TOPAZ1: variants seen among roughly 807,000 people sequenced by gnomAD.
TOPAZ1 encodes testis and ovary specific TOPAZ 1.
A neutral mutation model predicts 172.2 loss-of-function variants in TOPAZ1; 66 were observed. That is an observed-to-expected ratio of 0.38 (90% confidence interval 0.31 to 0.47). The LOEUF is 0.47. Ranked by LOEUF, TOPAZ1 falls within the 20% of genes least tolerant of loss-of-function variation. The probability of loss-of-function intolerance (pLI) is 0.99; values close to 1 mark genes in which losing one functional copy is unlikely to be tolerated. For synonymous variants in TOPAZ1, 681 were observed against 683.9 expected, an observed-to-expected ratio of 1.00 and a Z score of 0.07; for missense variants, 1,822 against 1,972.4, an observed-to-expected ratio of 0.92 and a Z score of 1.44.
intron 3 of TOPAZ1, among the ~76,000 whole-genome samples, 174 bp downstream of exon 3, chr3:44,255,203 A>G (rs1699683099): frequency 6.6e-6 from 1 of 152,168 alleles, no homozygotes; most frequent in African/African-American, 2.4e-5. Context: ...GGAAGATCAG[A>G]TTGAGATATT....
intron 12 of TOPAZ1, among the ~76,000 whole-genome samples, chr3:44,297,409 T>A (rs909557722): frequency 3.3e-5 from 5 of 152,166 alleles, no homozygotes; most frequent in African/African-American, 1.2e-4. Context: ...ATTCAATTAA[T>A]ACAGAAAAGC....
chr3:44,290,757 TTTCTC>T lies in TOPAZ1; in HGVS notation c.3682-9_3682-5del. ...TTTTGTAAGAATAACCACTCTTTCT[TTTCTC>T]TTCTACAGCTTGTTGAAGCCGGGAT... On this transcript the variant is annotated splice_polypyrimidine_tract_variant and intron_variant, in intron 11 of 19. Transcript: ENST00000309765. 3 of 1,513,326 alleles carry T rather than the reference TTTCTC, an allele frequency of 2.0e-6. No individual in the cohort carries two copies. The highest frequency in any genetic ancestry group is 8.9e-7 in the Non-Finnish European group (1 of 1,120,634). The allele number at this position is 1,513,326 out of a possible 1,614,324, so 93.7% of individuals were successfully genotyped here. A position where few individuals can be genotyped will look rare whatever the true frequency, so the allele number is the denominator to read the frequency against.
intron 18 of TOPAZ1, 33 bp downstream of exon 18, chr3:44,323,328 G>A (rs1345981669): frequency 5.9e-6 from 8 of 1,354,756 alleles, no homozygotes; most frequent in Middle Eastern, 2.2e-4. Flanking sequence ...TAATATATTG[G>A]TTTATAATTG....
intron 18 of TOPAZ1, among the ~76,000 whole-genome samples, chr3:44,323,943 A>G (rs1700569004): frequency 6.6e-6 from 1 of 152,148 alleles, no homozygotes; most frequent in Admixed American, 6.5e-5. Flanking sequence ...TCATGCAGTA[A>G]TTTGTCTTCA....
intron 12 of TOPAZ1, among the ~76,000 whole-genome samples, chr3:44,295,340 T>C (rs1700183725): frequency 6.6e-6 from 1 of 152,166 alleles, no homozygotes; most frequent in African/African-American, 2.4e-5. Context: ...ATATAGTATA[T>C]TCACACAATG....
intron 6 of TOPAZ1, 113 bp downstream of exon 6, chr3:44,267,249 A>G: frequency 1.2e-6 from 1 of 863,042 alleles, no homozygotes; most frequent in Non-Finnish European, 1.7e-6. Context: ...ATCATGTAGA[A>G]TATGTTAAAA....
intron 4 of TOPAZ1, among the ~76,000 whole-genome samples, chr3:44,259,924 C>T (rs1213102880): frequency 1.3e-5 from 2 of 152,136 alleles, no homozygotes; most frequent in Non-Finnish European, 1.5e-5. Context: ...ACCTTGAATC[C>T]ACATAATCCC....
intron 16 of TOPAZ1, among the ~76,000 whole-genome samples, chr3:44,312,742 A>C (rs1247331361): frequency 1.3e-5 from 2 of 152,228 alleles, no homozygotes; most frequent in Admixed American, 6.5e-5. Context: ...ATCATTTTAT[A>C]ATCCTTGTTC....
intron 9 of TOPAZ1, among the ~76,000 whole-genome samples, chr3:44,284,214 A>C (rs566718217): frequency 6.6e-6 from 1 of 152,204 alleles, no homozygotes; most frequent in Non-Finnish European, 1.5e-5. Flanking sequence ...ACCATTATCC[A>C]TTCCCAGAAC....
At position 44,314,979 on chromosome 3, in the gene TOPAZ1, A is replaced by G. The variant is rs570147577; in HGVS notation, c.4306+4989A>G. ...CCATACCCCCTCAAGTCGCTCCCCC[A>G]CTGCGTTCTTTAACCACTGCTATAA... On this transcript the variant is annotated intron_variant, in intron 16 of 19. Coordinates refer to ENST00000309765, the MANE Select transcript of TOPAZ1 (RefSeq NM_001145030.2). 3.3e-5 allele frequency among the ~76,000 whole-genome samples: 5 copies of G among 152,226 alleles called. No individual in the cohort carries two copies. In the East Asian group the frequency reaches 7.7e-4, roughly 23 times the overall value.
intron 5 of TOPAZ1, among the ~76,000 whole-genome samples, chr3:44,264,462 A>G (rs1029485235): frequency 2.0e-5 from 3 of 152,182 alleles, no homozygotes; most frequent in Non-Finnish European, 4.4e-5. Flanking sequence ...TTTATTGCCA[A>G]AAAGTTTTTA....
intron 16 of TOPAZ1, among the ~76,000 whole-genome samples, chr3:44,314,486 A>T (rs1052830803): frequency 3.3e-5 from 5 of 152,168 alleles, no homozygotes; most frequent in African/African-American, 1.2e-4. Flanking sequence ...AGAAGATCAC[A>T]CAACAAATAA....
At chr3:44,283,246 T>G (rs1047618862) in intron 9 of TOPAZ1, among the ~76,000 whole-genome samples, 10 of 151,750 alleles carry the variant, frequency 6.6e-5, no homozygotes, top group African/African-American at 2.4e-4. Flanking sequence ...TGTGGAAATT[T>G]TTTGGTGTAA....
rs77657118 is a variant in TOPAZ1, at chr3:44,247,974, C to T, written c.2765+2703C>T. On this transcript the variant is annotated intron_variant, in intron 2 of 19. Transcript: ENST00000309765. ...CCTAATCTTGACTATTTTGATTCAT[C>T]GCTTAGTTGGCTAGATTTCAGAGCA... Among the ~76,000 whole-genome samples the T allele has an allele frequency of 8.1e-3, 1,230 of 152,260 alleles. 18 individuals carry two copies. Among genetic ancestry groups the T allele is most frequent in the African/African-American group, 0.028 (1,177 of 41,546 alleles).
At chr3:44,333,054 A>G (rs1700688471), downstream of TOPAZ1, among the ~76,000 whole-genome samples, 1 of 149,516 alleles carries the variant, frequency 6.7e-6, no homozygotes. Context: ...AAACTTCTGG[A>G]CTCAAGCTGT....
At chr3:44,250,734 C>A (rs1265415881) in intron 2 of TOPAZ1, among the ~76,000 whole-genome samples, 1 of 152,164 alleles carries the variant, frequency 6.6e-6, no homozygotes, top group Non-Finnish European at 1.5e-5. Flanking sequence ...ACTTTAGGTC[C>A]CTTTCTTCTC....
chr3:44,325,831 T>C (rs1226856593), intron 18 of TOPAZ1, among the ~76,000 whole-genome samples: 1 of 152,030 alleles, frequency 6.6e-6, no homozygotes, highest in Non-Finnish European at 1.5e-5. Context: ...TTAGTAGAGA[T>C]GGGGTTTCAC....
chr3:44,306,277 A>AT, intron 14 of TOPAZ1, 49 bp from the exon 15 acceptor site: 1 of 1,243,938 alleles, frequency 8.0e-7, no homozygotes, highest in Non-Finnish European at 1.1e-6. Flanking sequence ...CTCTTCCATC[A>AT]TTTTAAGTGA....
In TOPAZ1 at chr3:44,321,116, G is replaced by T; in HGVS notation, c.4396G>T (p.Glu1466Ter). 1 of 1,550,974 alleles carries T rather than the reference G, an allele frequency of 6.4e-7. No homozygotes were observed. Among genetic ancestry groups the T allele is most frequent in the Non-Finnish European group, 8.7e-7 (1 of 1,146,542 alleles). The change falls in exon 17 of 20, where the codon GAA (glutamate) becomes TAA (stop). Residue 1466 changes from glutamate (E) to a stop codon, truncating the protein, a stop_gained. Transcript: ENST00000309765. LOFTEE classifies it high-confidence loss of function. ...TAATTTACTCTGTACAATTGCACAT[G>T]AAATCTTAGCCAAGAGCCTTTATAG... ...RHNLLCTIAH[E>*]ILAKSLYRQT...
Sources: gnomAD v4.1 joint callset for allele counts (sites outside exome capture counted in the v4.1 genomes callset) on GRCh38, gnomAD v4.1.1 for gene constraint, MANE v1.5 for transcripts, NCBI Gene and HGNC (gene_info 2026-07-23, HGNC 2026-07-21) for gene names.